Variants in PMFBP1 observed in about 807,000 individuals in gnomAD.
PMFBP1 encodes the protein polyamine-modulated factor 1-binding protein 1.
A neutral mutation model predicts 137.8 loss-of-function variants in PMFBP1; 131 were observed. The observed-to-expected ratio is 0.95, with a 90% CI of 0.82 to 1.10. PMFBP1 has a LOEUF of 1.10. PMFBP1 is among the 50% of genes least tolerant of loss of function. PMFBP1 has a pLI of 0.00. For synonymous variants in PMFBP1, 490 were observed against 450.4 expected, an observed-to-expected ratio of 1.09 and a Z score of -1.11; for missense variants, 1,199 against 1,175.4, an observed-to-expected ratio of 1.02 and a Z score of -0.29.
At chr16:72,120,531 G>A (rs534567898) in intron 19 of PMFBP1, among the ~76,000 whole-genome samples, 17 of 152,314 alleles carry the variant, frequency 1.1e-4, no homozygotes, top group African/African-American at 1.4e-4. Context: ...GCCAAAGCCC[G>A]CATTCTCTCC....
At chr16:72,175,586 A>G (rs1271733002), upstream of PMFBP1, among the ~76,000 whole-genome samples, 3 of 152,178 alleles carry the variant, frequency 2.0e-5, no homozygotes, top group Non-Finnish European at 4.4e-5. Context: ...GAAGAATATC[A>G]AGGGTCTGTT....
chr16:72,127,482 C>T (rs150974883), intron 14 of PMFBP1, among the ~76,000 whole-genome samples: 12 of 151,980 alleles, frequency 7.9e-5, no homozygotes, highest in Admixed American at 3.3e-4. Flanking sequence ...GATGGCTGAA[C>T]TGAGAAATGT....
chr16:72,128,748 C>G lies in PMFBP1; in HGVS notation c.1997G>C (p.Arg666Pro), dbSNP rs753715471. 5.6e-6 allele frequency: 9 copies of G among 1,613,976 alleles called. No homozygotes were observed. The South Asian group carries it at 6.6e-5, about 12-fold the overall frequency. ...TGTAGAACAACACTGTAGCTCTGCT[C>G]GGAGATTCTCATTTTCTTCCTCCAA... ...RKLEEENENL[R>P]AELQCCSTQL... The change falls in exon 14 of 21, where the codon CGA becomes CCA. Residue 666 changes from arginine to proline, a missense_variant. Physicochemically the swap from Arg to Pro is moderately radical, Grantham distance 103. Coordinates refer to ENST00000237353, the MANE Select transcript of PMFBP1 (RefSeq NM_031293.3).
intron 19 of PMFBP1, among the ~76,000 whole-genome samples, chr16:72,122,690 T>TTGG (rs2042392820): frequency 6.6e-6 from 1 of 152,234 alleles, no homozygotes; most frequent in Non-Finnish European, 1.5e-5. Context: ...GCAAAAAGAC[T>TTGG]ACTAAACTCC....
chr16:72,144,550 A>G (rs2042775557), intron 5 of PMFBP1, among the ~76,000 whole-genome samples: 1 of 152,216 alleles, frequency 6.6e-6, no homozygotes. Context: ...TTTTGAGGCC[A>G]CTGGATATTT....
intron 5 of PMFBP1, among the ~76,000 whole-genome samples, chr16:72,149,120 C>T (rs1019625867): frequency 6.6e-6 from 1 of 152,192 alleles, no homozygotes; most frequent in Non-Finnish European, 1.5e-5. Flanking sequence ...AAACGTCCTG[C>T]ACACTACTCT....
downstream of PMFBP1, among the ~76,000 whole-genome samples, chr16:72,117,618 C>G (rs147232797): frequency 6.6e-6 from 1 of 152,262 alleles, no homozygotes; most frequent in African/African-American, 2.4e-5. Flanking sequence ...AGTCTTTCAC[C>G]ATTGAGTATA....
chr16:72,120,201 T>G (rs1055192189), intron 19 of PMFBP1, 112 bp from the exon 20 acceptor site: 1 of 1,546,042 alleles, frequency 6.5e-7, no homozygotes, highest in Non-Finnish European at 8.8e-7. Flanking sequence ...GATGCCCAGG[T>G]CTGTTCAGAG....
At chr16:72,241,731 T>A in the PMFBP1 span, among the ~76,000 whole-genome samples, 1 of 152,322 alleles carries the variant, frequency 6.6e-6, no homozygotes, top group African/African-American at 2.4e-5. Flanking sequence ...TCAGCATCCA[T>A]GGAGACAGCC....
At chr16:72,164,743 G>A (rs3852785) in intron 3 of PMFBP1, 21 bp downstream of exon 3, 231,129 of 1,570,660 alleles carry the variant, frequency 0.15, 19,094 homozygotes, top group South Asian at 0.18. Context: ...AGGGGTGAGC[G>A]GCTGCTGCCA....
intron 3 of PMFBP1, among the ~76,000 whole-genome samples, chr16:72,164,184 A>G (rs2043107283): frequency 6.6e-6 from 1 of 152,158 alleles, no homozygotes; most frequent in Non-Finnish European, 1.5e-5. Context: ...GGGAGAAAGG[A>G]AGGTGGGAGA....
At chr16:72,218,626 A>C in the PMFBP1 span, among the ~76,000 whole-genome samples, 2 of 152,194 alleles carry the variant, frequency 1.3e-5, no homozygotes, top group Non-Finnish European at 2.9e-5. Context: ...CTCAAGTTGA[A>C]AGGCTCTTTA....
At chr16:72,154,019 G>A (rs1237419239) in intron 4 of PMFBP1, among the ~76,000 whole-genome samples, 192 bp downstream of exon 4, 3 of 150,806 alleles carry the variant, frequency 2.0e-5, no homozygotes, top group Non-Finnish European at 4.4e-5. Context: ...CTTTCACCGA[G>A]TTATGCCATT....
the PMFBP1 span, among the ~76,000 whole-genome samples, chr16:72,233,043 T>A: frequency 6.6e-6 from 1 of 152,106 alleles, no homozygotes; most frequent in African/African-American, 2.4e-5. Flanking sequence ...CCATTTATAT[T>A]GGTAAAAATG....
upstream of PMFBP1, among the ~76,000 whole-genome samples, chr16:72,175,312 G>A (rs964450868): frequency 3.9e-5 from 6 of 152,290 alleles, no homozygotes; most frequent in Admixed American, 6.5e-5. Context: ...GTGTGGTTTT[G>A]GAGAGAGGAA....
chr16:72,236,699 G>C, the PMFBP1 span, among the ~76,000 whole-genome samples: 2 of 152,178 alleles, frequency 1.3e-5, no homozygotes, highest in Non-Finnish European at 2.9e-5. Context: ...TAACATGGCT[G>C]TGTAAGCTTC....
At chr16:72,216,943 C>T in the PMFBP1 span, among the ~76,000 whole-genome samples, 105 of 152,314 alleles carry the variant, frequency 6.9e-4, no homozygotes, top group African/African-American at 2.3e-3. Context: ...TTGGGTGCCA[C>T]GCCAAGAAGA....
At chr16:72,201,640 G>A in the PMFBP1 span, among the ~76,000 whole-genome samples, 5 of 152,272 alleles carry the variant, frequency 3.3e-5, no homozygotes, top group Middle Eastern at 6.8e-3. Context: ...GCAGATCAAG[G>A]CATTGCAGTG....
chr16:72,119,608 CAG>C, intron 20 of PMFBP1: 1 of 1,443,586 alleles, frequency 6.9e-7, no homozygotes, highest in Non-Finnish European at 9.0e-7. Context: ...GGGTCTGGGT[CAG>C]GGGAGGGGGC....
Sources: gnomAD v4.1 joint callset for allele counts (sites outside exome capture counted in the v4.1 genomes callset) on GRCh38, gnomAD v4.1.1 for gene constraint, MANE v1.5 for transcripts, NCBI Gene and HGNC (gene_info 2026-07-23, HGNC 2026-07-21) for gene names.